BTRC: variants seen among roughly 807,000 people sequenced by gnomAD.
BTRC encodes the protein F-box/WD repeat-containing protein 1A.
A neutral mutation model predicts 85.5 loss-of-function variants in BTRC; 42 were observed. The ratio of observed to expected loss-of-function variants is 0.49; its 90% CI spans 0.38 to 0.64. The LOEUF (loss-of-function observed/expected upper bound fraction) is 0.64, where lower values mean the gene tolerates loss of function less well. BTRC is among the 30% of genes least tolerant of loss of function. The probability of loss-of-function intolerance (pLI) is 0.00; values close to 1 mark genes in which losing one functional copy is unlikely to be tolerated. For synonymous variants in BTRC, 255 were observed against 263.3 expected, an observed-to-expected ratio of 0.97 and a Z score of 0.30; for missense variants, 594 against 743.5, an observed-to-expected ratio of 0.80 and a Z score of 2.34.
At chr10:101,383,741 A>C (rs1942997560) in intron 1 of BTRC, among the ~76,000 whole-genome samples, 2 of 152,172 alleles carry the variant, frequency 1.3e-5, no homozygotes, top group Non-Finnish European at 2.9e-5. Flanking sequence ...GAGTAAATTG[A>C]AGTTTGTATT....
chr10:101,388,104 A>G lies in BTRC; in HGVS notation c.48+33876A>G, dbSNP rs200696452. Among the ~76,000 whole-genome samples the G allele has an allele frequency of 7.2e-5, 11 of 152,344 alleles. No individual in the cohort carries two copies. The East Asian group carries it at 1.4e-3, about 19-fold the overall frequency. ...GTTGATTCTTGATAGAAACCAAAGT[A>G]TGGAGTTACTTCAAAATTAAAAACT... On this transcript the variant is annotated intron_variant, in intron 1 of 14. Transcript: ENST00000370187.
intron 1 of BTRC, among the ~76,000 whole-genome samples, chr10:101,387,299 CTCAG>C (rs1943104128): frequency 6.6e-6 from 1 of 151,158 alleles, no homozygotes; most frequent in Non-Finnish European, 1.5e-5. Context: ...GTGTATGTAT[CTCAG>C]TCATTTATTT....
intron 1 of BTRC, among the ~76,000 whole-genome samples, chr10:101,355,566 A>G (rs1429150335): frequency 2.6e-5 from 4 of 152,190 alleles, no homozygotes; most frequent in South Asian, 4.1e-4. Flanking sequence ...GGCCTTAGGG[A>G]CATTGATATT....
intron 3 of BTRC, among the ~76,000 whole-genome samples, chr10:101,478,269 C>G (rs568981883): frequency 2.0e-5 from 3 of 151,094 alleles, no homozygotes; most frequent in Admixed American, 2.0e-4. Context: ...CCACTGCACT[C>G]CAGCCTGGGC....
At chr10:101,518,775 C>T (rs1351298537) in intron 4 of BTRC, among the ~76,000 whole-genome samples, 24 of 152,212 alleles carry the variant, frequency 1.6e-4, no homozygotes, top group Non-Finnish European at 2.9e-5. Flanking sequence ...ACCATTCTTC[C>T]TCGCTGTCTA....
intron 13 of BTRC, among the ~76,000 whole-genome samples, chr10:101,545,848 C>G (rs543787823): frequency 1.3e-5 from 2 of 152,242 alleles, no homozygotes; most frequent in South Asian, 2.1e-4. Flanking sequence ...GAGCAAACCT[C>G]AGAGCAAAGA....
chr10:101,411,034 C>T (rs372236414), intron 1 of BTRC, among the ~76,000 whole-genome samples: 42 of 133,348 alleles, frequency 3.1e-4, no homozygotes, highest in African/African-American at 9.1e-4. Context: ...GTCACTCTGT[C>T]GCCCAGGCTA....
chr10:101,550,240 C>T (rs1380152780), intron 13 of BTRC, among the ~76,000 whole-genome samples: 1 of 151,902 alleles, frequency 6.6e-6, no homozygotes, highest in East Asian at 1.9e-4. Flanking sequence ...TTCCATGCTG[C>T]CTTTAGCCAA....
At chr10:101,361,731 T>G (rs1375604457) in intron 1 of BTRC, among the ~76,000 whole-genome samples, 1 of 152,186 alleles carries the variant, frequency 6.6e-6, no homozygotes, top group East Asian at 1.9e-4. Context: ...GATAGAGCTA[T>G]AAGACCAGCT....
At chr10:101,368,751 G>T (rs1942548730) in intron 1 of BTRC, among the ~76,000 whole-genome samples, 1 of 152,108 alleles carries the variant, frequency 6.6e-6, no homozygotes, top group Non-Finnish European at 1.5e-5. Context: ...GGGTATAGTG[G>T]CTCATGCCTG....
intron 13 of BTRC, among the ~76,000 whole-genome samples, chr10:101,545,309 TGAA>T (rs937040805): frequency 2.0e-5 from 3 of 152,348 alleles, no homozygotes; most frequent in Non-Finnish European, 4.4e-5. Context: ...CAGAGCAATT[TGAA>T]GAAGAAGGCT....
chr10:101,526,610 A>G (rs531179494), intron 6 of BTRC, among the ~76,000 whole-genome samples: 1 of 151,984 alleles, frequency 6.6e-6, no homozygotes, highest in Non-Finnish European at 1.5e-5. Context: ...CGAAACCCCA[A>G]CTCTACTAAA....
chr10:101,491,890 T>C (rs973598326), intron 4 of BTRC, among the ~76,000 whole-genome samples: 9 of 152,192 alleles, frequency 5.9e-5, no homozygotes, highest in Admixed American at 5.9e-4. Flanking sequence ...TTAGAAGAAA[T>C]AGGTTTTTTT....
At chr10:101,519,824 C>T (rs545509582) in intron 4 of BTRC, among the ~76,000 whole-genome samples, 3 of 152,158 alleles carry the variant, frequency 2.0e-5, no homozygotes, top group Admixed American at 6.5e-5. Flanking sequence ...GGAGAAACCC[C>T]GTCTTTACTA....
intron 5 of BTRC, among the ~76,000 whole-genome samples, chr10:101,525,637 T>G (rs1564825785): frequency 6.6e-6 from 1 of 152,210 alleles, no homozygotes; most frequent in East Asian, 1.9e-4. Flanking sequence ...ATATAGAGAT[T>G]TGGGGGGGTC....
chr10:101,420,818 G>T (rs1944081175), intron 1 of BTRC, among the ~76,000 whole-genome samples: 1 of 151,872 alleles, frequency 6.6e-6, no homozygotes, highest in South Asian at 2.1e-4. Flanking sequence ...AACTGTTCAG[G>T]TAGGAAAGGA....
At chr10:101,446,117 C>T (rs1944818944) in intron 2 of BTRC, among the ~76,000 whole-genome samples, 1 of 134,628 alleles carries the variant, frequency 7.4e-6, no homozygotes, top group South Asian at 2.9e-4. Context: ...CCCACCCCCC[C>T]AACCCCCTCC....
chr10:101,373,529 A>G (rs752131599), intron 1 of BTRC, among the ~76,000 whole-genome samples: 2 of 152,178 alleles, frequency 1.3e-5, no homozygotes, highest in Admixed American at 1.3e-4. Context: ...AGCAGTAGGT[A>G]GGTAAGGGAA....
chr10:101,450,802 A>G (rs971379599), intron 2 of BTRC, among the ~76,000 whole-genome samples: 4 of 152,138 alleles, frequency 2.6e-5, no homozygotes, highest in Non-Finnish European at 5.9e-5. Context: ...TTTGTTTTAG[A>G]TAATAACTGA....
Sources: allele counts gnomAD v4.1 joint callset (sites outside exome capture counted in the v4.1 genomes callset), GRCh38; gene constraint gnomAD v4.1.1; transcripts MANE v1.5; gene names NCBI Gene and HGNC (gene_info 2026-07-23, HGNC 2026-07-21).